Variants in CELF2 observed in about 807,000 individuals in gnomAD.
CELF2 encodes CUG triplet repeat RNA-binding protein 2.
Under a neutral mutation model 62.6 loss-of-function variants are expected in CELF2, and 8 were observed. That is an observed-to-expected ratio of 0.13 (90% CI 0.07 to 0.23). CELF2 has a LOEUF of 0.23. Ranked by LOEUF, CELF2 falls within the 10% of genes least tolerant of loss-of-function variation. CELF2 has a pLI of 1.00. For missense variants in CELF2, 333 were observed against 671.0 expected, an observed-to-expected ratio of 0.50 and a Z score of 5.56; for synonymous variants, 258 against 250.0, an observed-to-expected ratio of 1.03 and a Z score of -0.30.
the CELF2 span, among the ~76,000 whole-genome samples, chr10:10,643,191 A>G: frequency 6.6e-6 from 1 of 152,194 alleles, no homozygotes; most frequent in Non-Finnish European, 1.5e-5. Context: ...TCAATGATGT[A>G]GTTCTTGTAA....
chr10:10,865,812 T>C (rs2060319014), intron 1 of CELF2, among the ~76,000 whole-genome samples: 1 of 151,542 alleles, frequency 6.6e-6, no homozygotes, highest in Non-Finnish European at 1.5e-5. Flanking sequence ...AAAACTTAAC[T>C]GGAAAAAAAA....
At chr10:10,507,781 A>G in the CELF2 span, among the ~76,000 whole-genome samples, 1 of 152,196 alleles carries the variant, frequency 6.6e-6, no homozygotes, top group Admixed American at 6.5e-5. Context: ...TTTATAAAAT[A>G]GCACTTTTGG....
the CELF2 span, among the ~76,000 whole-genome samples, chr10:10,687,058 C>G: frequency 6.6e-6 from 1 of 152,166 alleles, no homozygotes; most frequent in African/African-American, 2.4e-5. Flanking sequence ...TGTTTCGATT[C>G]TGCTTTTCTG....
At chr10:10,679,619 T>C in the CELF2 span, among the ~76,000 whole-genome samples, 2 of 152,208 alleles carry the variant, frequency 1.3e-5, no homozygotes, top group Admixed American at 6.5e-5. Flanking sequence ...ACCTTTTTTA[T>C]CATGAAAAAA....
chr10:11,067,497 G>C (rs1387674766), intron 1 of CELF2, among the ~76,000 whole-genome samples: 2 of 152,200 alleles, frequency 1.3e-5, no homozygotes, highest in Non-Finnish European at 2.9e-5. Flanking sequence ...CTAAGTGCCT[G>C]TGTGGCGTAT....
the CELF2 span, among the ~76,000 whole-genome samples, chr10:10,680,886 TTTGG>T: frequency 6.6e-6 from 1 of 152,214 alleles, no homozygotes; most frequent in East Asian, 1.9e-4. Flanking sequence ...AAAAATATAG[TTTGG>T]TTGTGTCCAT....
chr10:11,135,964 G>A (rs2060370739), intron 1 of CELF2, among the ~76,000 whole-genome samples: 1 of 152,160 alleles, frequency 6.6e-6, no homozygotes, highest in Non-Finnish European at 1.5e-5. Flanking sequence ...AGTAACTCAT[G>A]GCCCTTTGAG....
intron 1 of CELF2, among the ~76,000 whole-genome samples, chr10:10,877,112 C>T (rs2061148601): frequency 6.6e-6 from 1 of 152,222 alleles, no homozygotes; most frequent in South Asian, 2.1e-4. Flanking sequence ...TTGCCTTAAA[C>T]AAGTAGAGGC....
intron 1 of CELF2, among the ~76,000 whole-genome samples, chr10:11,111,813 C>T (rs1206698049): frequency 3.9e-5 from 6 of 152,218 alleles, no homozygotes; most frequent in Non-Finnish European, 8.8e-5. Flanking sequence ...CAAATCAATA[C>T]CTCAGACAGT....
chr10:10,584,340 G>A, the CELF2 span, among the ~76,000 whole-genome samples: 4,117 of 152,236 alleles, frequency 0.027, 104 homozygotes, highest in East Asian at 0.096. Context: ...AATGACATAC[G>A]GAAATTGAAG....
intron 1 of CELF2, among the ~76,000 whole-genome samples, chr10:10,845,082 C>A (rs1365711169): frequency 6.6e-6 from 1 of 152,090 alleles, no homozygotes; most frequent in Non-Finnish European, 1.5e-5. Context: ...CTTTCACAGC[C>A]TGTAATATTT....
At chr10:10,736,670 G>C in the CELF2 span, among the ~76,000 whole-genome samples, 7 of 151,508 alleles carry the variant, frequency 4.6e-5, no homozygotes, top group Non-Finnish European at 7.4e-5. Context: ...TGAGTTAAGA[G>C]GAAAATAAAG....
At chr10:10,568,581 G>A in the CELF2 span, among the ~76,000 whole-genome samples, 1 of 152,194 alleles carries the variant, frequency 6.6e-6, no homozygotes, top group South Asian at 2.1e-4. Context: ...ATCTGGTGCA[G>A]ATCTGAAGTT....
intron 1 of CELF2, among the ~76,000 whole-genome samples, chr10:11,029,295 C>A (rs1365603357): frequency 1.3e-5 from 2 of 152,144 alleles, no homozygotes; most frequent in Admixed American, 6.5e-5. Context: ...AAAGGCACTT[C>A]TTTATTCTGA....
upstream of CELF2, among the ~76,000 whole-genome samples, chr10:11,002,780 C>T (rs2054650277): frequency 2.6e-5 from 4 of 152,058 alleles, no homozygotes; most frequent in South Asian, 8.3e-4. The surrounding 1 kb of genome is among the most constrained non-coding windows in gnomAD (Gnocchi z 4.4). Context: ...CTGACCAGTG[C>T]CTGAATTAGA....
intron 2 of CELF2, among the ~76,000 whole-genome samples, chr10:10,933,981 A>G (rs1478975931): frequency 6.6e-6 from 1 of 152,192 alleles, no homozygotes; most frequent in East Asian, 1.9e-4. Flanking sequence ...GCTACATCAT[A>G]TGGCAGTTCT....
chr10:10,666,484 T>A, the CELF2 span, among the ~76,000 whole-genome samples: 1 of 152,116 alleles, frequency 6.6e-6, no homozygotes, highest in Admixed American at 6.6e-5. Flanking sequence ...GTAGTGGAAG[T>A]AGCAAACAAG....
chr10:10,856,470 A>G (rs528242270), intron 1 of CELF2, among the ~76,000 whole-genome samples: 121 of 152,320 alleles, frequency 7.9e-4, no homozygotes, highest in African/African-American at 2.7e-3. Flanking sequence ...GGAAAAAATG[A>G]CTGCATTTTG....
the CELF2 span, among the ~76,000 whole-genome samples, chr10:10,788,453 CTTTTTTT>C: frequency 4.2e-5 from 4 of 95,730 alleles, no homozygotes; most frequent in Non-Finnish European, 2.1e-5. Context: ...TTCTTTCCAT[CTTTTTTT>C]TTTTTTTTTT....
Sources: gnomAD v4.1 joint callset for allele counts (sites outside exome capture counted in the v4.1 genomes callset) on GRCh38, gnomAD v4.1.1 for gene constraint, Gnocchi (gnomAD v3.1) non-coding constraint, MANE v1.5 for transcripts, NCBI Gene and HGNC (gene_info 2026-07-23, HGNC 2026-07-21) for gene names.